Variants in ANKS1B observed in about 807,000 individuals in gnomAD.
The protein encoded by ANKS1B is ankyrin repeat and sterile alpha motif domain containing 1B.
A neutral mutation model predicts 148.3 loss-of-function variants in ANKS1B; 36 were observed. That is an observed-to-expected ratio of 0.24 (90% CI 0.19 to 0.32). ANKS1B has a LOEUF of 0.32. Ranked by LOEUF, ANKS1B falls within the 10% of genes least tolerant of loss-of-function variation. The pLI, the probability that ANKS1B is intolerant of heterozygous loss-of-function variation, is 1.00. For synonymous variants in ANKS1B, 542 were observed against 560.8 expected (o/e 0.97, Z 0.47); for missense variants, 1,157 against 1,542.6 (o/e 0.75, Z 4.19).
intron 10 of ANKS1B, among the ~76,000 whole-genome samples, chr12:99,469,567 T>C (rs1237986422): frequency 6.6e-6 from 1 of 152,164 alleles, no homozygotes; most frequent in East Asian, 1.9e-4. Flanking sequence ...GAATTCACTT[T>C]ATTAGGAGTC....
At chr12:99,673,177 T>G (rs1005851468) in intron 8 of ANKS1B, among the ~76,000 whole-genome samples, 2 of 151,914 alleles carry the variant, frequency 1.3e-5, no homozygotes, top group Admixed American at 1.3e-4. Flanking sequence ...AGAAGAAAAC[T>G]TTCCAGAATC....
intron 14 of ANKS1B, among the ~76,000 whole-genome samples, chr12:99,157,792 C>A (rs1164816139): frequency 6.6e-6 from 1 of 152,064 alleles, no homozygotes; most frequent in African/African-American, 2.4e-5. Context: ...TGCACTTGTA[C>A]CTCTTAGAGC....
At chr12:99,808,569 A>C (rs1163974317) in intron 3 of ANKS1B, among the ~76,000 whole-genome samples, 1 of 151,960 alleles carries the variant, frequency 6.6e-6, no homozygotes, top group African/African-American at 2.4e-5. Context: ...TATTACTATA[A>C]TCTACTTCTT....
At chr12:99,546,899 A>G (rs1458332472) in intron 9 of ANKS1B, among the ~76,000 whole-genome samples, 1 of 152,172 alleles carries the variant, frequency 6.6e-6, no homozygotes, top group African/African-American at 2.4e-5. Context: ...ATAAACTCCA[A>G]CAACAAGGAG....
chr12:98,745,813 G>T lies in ANKS1B; in HGVS notation c.3784C>A (p.Leu1262Ile). The T allele has an allele frequency of 1.2e-6, 2 of 1,613,592 alleles. No individual in the cohort carries two copies. The highest frequency in any genetic ancestry group is 1.7e-6 in the Non-Finnish European group (2 of 1,179,694). The part of the protein sequence containing the change: ...DPSEQKTLAN[L>I]PWIVEPGQEA... ...TGGCCCGGCTCCACAATCCACGGTA[G>T]ATTGGCCAGAGTCTTTTGCTCAGAT... The change falls in exon 27 of 27, where the codon CTA (leucine) becomes ATA (isoleucine). Residue 1262 changes from leucine (L) to isoleucine (I), a missense_variant. Leu to Ile is a conservative substitution (Grantham distance 5). Around this residue, in one of 6 missense-constraint regions of ANKS1B, gnomAD observed 46 missense variants for 62.0 expected, o/e 0.74. Coordinates refer to ENST00000683438, the MANE Select transcript of ANKS1B (RefSeq NM_001352186.2).
chr12:99,884,084 GT>G (rs1240429748), intron 1 of ANKS1B, among the ~76,000 whole-genome samples: 3 of 151,888 alleles, frequency 2.0e-5, no homozygotes, highest in African/African-American at 7.3e-5. Context: ...AGTAATTGCG[GT>G]TTTTGTGATT....
At chr12:99,917,992 T>C (rs1292747270) in intron 1 of ANKS1B, among the ~76,000 whole-genome samples, 1 of 152,218 alleles carries the variant, frequency 6.6e-6, no homozygotes, top group Non-Finnish European at 1.5e-5. Context: ...GAACTATGCA[T>C]GCAAGGGCTC....
At chr12:99,788,983 CTCTAA>C (rs1257725442) in intron 4 of ANKS1B, among the ~76,000 whole-genome samples, 3 of 152,154 alleles carry the variant, frequency 2.0e-5, no homozygotes, top group Non-Finnish European at 4.4e-5. Flanking sequence ...AGGTTTTTGA[CTCTAA>C]TCCTTGGCTT....
At chr12:98,867,340 A>G (rs1171069191) in intron 17 of ANKS1B, among the ~76,000 whole-genome samples, 1 of 152,216 alleles carries the variant, frequency 6.6e-6, no homozygotes, top group Admixed American at 6.5e-5. Flanking sequence ...AAATAAAACA[A>G]TCTCTTTGGC....
At position 99,654,904 on chromosome 12, in the gene ANKS1B, G is replaced by C. The variant is rs182529784; in HGVS notation, c.1272+163C>G. On this transcript the variant is annotated intron_variant, in intron 9 of 26. Transcript: ENST00000683438. Reference sequence around the variant, plus strand: ...GCATATGTACACATATGCACACCAAGTTATATGCACATTTTACTTGACACT... The same window carrying C: ...GCATATGTACACATATGCACACCAACTTATATGCACATTTTACTTGACACT... Among the ~76,000 whole-genome samples, 32 of 152,182 alleles carry C rather than the reference G, an allele frequency of 2.1e-4. No individual in the cohort carries two copies. In the East Asian group the frequency reaches 6.2e-3, roughly 29 times the overall value.
At chr12:99,833,582 C>T (rs1429069124) in intron 1 of ANKS1B, among the ~76,000 whole-genome samples, 2 of 152,302 alleles carry the variant, frequency 1.3e-5, no homozygotes, top group East Asian at 3.9e-4. Context: ...CTAGAAAAAG[C>T]TGCAAGGGCA....
At chr12:99,465,058 C>T (rs1172836350) in intron 10 of ANKS1B, among the ~76,000 whole-genome samples, 1 of 152,132 alleles carries the variant, frequency 6.6e-6, no homozygotes, top group Non-Finnish European at 1.5e-5. Flanking sequence ...TCGGGTTACC[C>T]ACAAAGGGAA....
intron 15 of ANKS1B, among the ~76,000 whole-genome samples, chr12:99,106,582 A>C (rs932367840): frequency 6.6e-6 from 1 of 152,194 alleles, no homozygotes; most frequent in Admixed American, 6.5e-5. Context: ...CTTTTTTTAA[A>C]TGGGTACTTA....
intron 8 of ANKS1B, among the ~76,000 whole-genome samples, chr12:99,745,859 C>A (rs2060545177): frequency 6.6e-6 from 1 of 151,726 alleles, no homozygotes; most frequent in Non-Finnish European, 1.5e-5. Flanking sequence ...AACTACTGAT[C>A]TAAAATATAT....
intron 1 of ANKS1B, among the ~76,000 whole-genome samples, chr12:99,980,628 T>G (rs1345474535): frequency 6.6e-6 from 1 of 151,990 alleles, no homozygotes; most frequent in Non-Finnish European, 1.5e-5. Context: ...TGAGAATATG[T>G]AAAGAAGGAA....
chr12:99,395,852 T>A (rs887930595), intron 12 of ANKS1B, among the ~76,000 whole-genome samples: 7 of 152,170 alleles, frequency 4.6e-5, no homozygotes, highest in Non-Finnish European at 7.4e-5. Flanking sequence ...CTTTGTTCTG[T>A]TAAATGCCAT....
chr12:99,242,814 T>G (rs945723204), intron 14 of ANKS1B, among the ~76,000 whole-genome samples: 2 of 152,178 alleles, frequency 1.3e-5, no homozygotes, highest in Non-Finnish European at 2.9e-5. Flanking sequence ...ATTTAATAAA[T>G]GGTGCTGGGA....
At chr12:99,698,633 A>T (rs1199549960) in intron 8 of ANKS1B, among the ~76,000 whole-genome samples, 3 of 152,174 alleles carry the variant, frequency 2.0e-5, no homozygotes, top group African/African-American at 7.2e-5. Context: ...CTCTACAGCA[A>T]ACAATAAGTT....
At chr12:99,630,702 T>C (rs2098149294) in intron 9 of ANKS1B, among the ~76,000 whole-genome samples, 1 of 152,294 alleles carries the variant, frequency 6.6e-6, no homozygotes, top group East Asian at 1.9e-4. Context: ...AGAGAAAATA[T>C]TTTCTCACTT....
Sources: allele counts gnomAD v4.1 joint callset (sites outside exome capture counted in the v4.1 genomes callset), GRCh38; gene constraint gnomAD v4.1.1; regional missense constraint gnomAD v4.1.1; transcripts MANE v1.5; gene names NCBI Gene and HGNC (gene_info 2026-07-23, HGNC 2026-07-21).